Variants in LRP1B observed in about 807,000 individuals in gnomAD.
LRP1B encodes LDL receptor related protein 1B.
In LRP1B, 217 loss-of-function variants were observed where a neutral mutation model predicts 556.6. That is an observed-to-expected ratio of 0.39 (90% CI 0.35 to 0.44). The LOEUF (loss-of-function observed/expected upper bound fraction) is 0.44. Ranked by LOEUF, LRP1B falls within the 20% of genes least tolerant of loss-of-function variation. The pLI is 1.00. For missense variants in LRP1B, 5,053 were observed against 5,620.8 expected, an observed-to-expected ratio of 0.90 and a Z score of 3.23; for synonymous variants, 2,047 against 1,865.8, an observed-to-expected ratio of 1.10 and a Z score of -2.50.
At position 141,589,326 on chromosome 2, in the gene LRP1B, C is replaced by A. The variant is rs373482926; in HGVS notation, c.206-108793G>T. 2.0e-5 allele frequency among the ~76,000 whole-genome samples: 3 copies of A among 152,098 alleles called. No homozygotes were observed. The East Asian group carries it at 5.8e-4, about 29-fold the overall frequency. Reference sequence around the variant, plus strand: ...TAACACTTCCATAGCGACCTCTGACCATCATTAGGTGTACCAATTATAGTA... The same window carrying A: ...TAACACTTCCATAGCGACCTCTGACAATCATTAGGTGTACCAATTATAGTA... On this transcript the variant is annotated intron_variant, in intron 2 of 90. Coordinates refer to ENST00000389484, the MANE Select transcript of LRP1B (RefSeq NM_018557.3).
chr2:140,291,318 A>ATATATATATTTTT (rs369391920), intron 84 of LRP1B, among the ~76,000 whole-genome samples: 4,356 of 109,252 alleles, frequency 0.04, 264 homozygotes, highest in South Asian at 0.066. Flanking sequence ...ATATATATAT[A>ATATATATATTTTT]TTTTTATTAT....
chr2:142,014,120 T>C (rs979357197), intron 1 of LRP1B, among the ~76,000 whole-genome samples: 1 of 152,160 alleles, frequency 6.6e-6, no homozygotes, highest in African/African-American at 2.4e-5. Flanking sequence ...ATTCCTCCTC[T>C]TACTTTCAGG....
At chr2:140,748,491 A>G (rs1465226709) in intron 35 of LRP1B, among the ~76,000 whole-genome samples, 1 of 101,120 alleles carries the variant, frequency 9.9e-6, no homozygotes, top group Non-Finnish European at 2.0e-5. Context: ...CCTAGCAATA[A>G]TACTGTGTTA....
intron 3 of LRP1B, among the ~76,000 whole-genome samples, chr2:141,312,298 T>C (rs112971584): frequency 0.011 from 1,693 of 152,302 alleles, 17 homozygotes; most frequent in Non-Finnish European, 0.019. Flanking sequence ...TGAAAAACTT[T>C]ATGATGATCC....
intron 59 of LRP1B, among the ~76,000 whole-genome samples, chr2:140,477,366 A>T (rs1003663334): frequency 1.1e-4 from 17 of 152,262 alleles, no homozygotes; most frequent in African/African-American, 3.4e-4. Context: ...TAAGAATTGC[A>T]TATAAGAAAA....
At chr2:141,325,641 G>A (rs914112836) in intron 3 of LRP1B, among the ~76,000 whole-genome samples, 1 of 151,998 alleles carries the variant, frequency 6.6e-6, no homozygotes, top group Non-Finnish European at 1.5e-5. Flanking sequence ...TTTCTTTAGA[G>A]TTTTCTAATC....
At chr2:140,499,298 G>A (rs557585738) in intron 55 of LRP1B, among the ~76,000 whole-genome samples, 54 of 151,914 alleles carry the variant, frequency 3.6e-4, no homozygotes, top group South Asian at 2.1e-4. Context: ...TTGATGTCAT[G>A]TCACAAAGTA....
At chr2:142,128,151 T>A (rs1298935767) in intron 1 of LRP1B, among the ~76,000 whole-genome samples, 4 of 152,100 alleles carry the variant, frequency 2.6e-5, no homozygotes, top group Non-Finnish European at 5.9e-5. Flanking sequence ...AACATAAACA[T>A]ACGAGTTAGT....
chr2:141,092,105 T>C (rs1163367854), intron 7 of LRP1B, among the ~76,000 whole-genome samples: 1 of 152,232 alleles, frequency 6.6e-6, no homozygotes, highest in African/African-American at 2.4e-5. Context: ...CTTGTTTATA[T>C]CAATCAGCTT....
chr2:141,204,782 C>T (rs1682198055), intron 6 of LRP1B, among the ~76,000 whole-genome samples: 1 of 151,740 alleles, frequency 6.6e-6, no homozygotes, highest in Non-Finnish European at 1.5e-5. Flanking sequence ...ACTAAAAATA[C>T]AAAAATTAGC....
chr2:141,047,233 T>A (rs1698901669), intron 11 of LRP1B, among the ~76,000 whole-genome samples: 1 of 152,052 alleles, frequency 6.6e-6, no homozygotes, highest in African/African-American at 2.4e-5. Context: ...CTCTGTCACA[T>A]CCAATTTAAA....
At chr2:141,392,489 T>C (rs1034622566) in intron 3 of LRP1B, among the ~76,000 whole-genome samples, 21 of 138,298 alleles carry the variant, frequency 1.5e-4, no homozygotes, top group Non-Finnish European at 2.5e-4. Flanking sequence ...AAAGAGAGAC[T>C]GTCACTCACT....
chr2:142,053,246 A>T (rs1478137984), intron 1 of LRP1B, among the ~76,000 whole-genome samples: 2 of 152,186 alleles, frequency 1.3e-5, no homozygotes, highest in Admixed American at 1.3e-4. Context: ...AAATAGTTAA[A>T]TTCAACGTTA....
At chr2:140,642,686 CA>C (rs559719907) in intron 41 of LRP1B, among the ~76,000 whole-genome samples, 2 of 151,612 alleles carry the variant, frequency 1.3e-5, no homozygotes, top group Admixed American at 6.6e-5. Context: ...CTAAAAAATA[CA>C]AAAAAAATTA....
At chr2:141,248,115 C>T (rs1684134831) in intron 4 of LRP1B, among the ~76,000 whole-genome samples, 1 of 152,102 alleles carries the variant, frequency 6.6e-6, no homozygotes, top group African/African-American at 2.4e-5. Flanking sequence ...TCTACCCCTT[C>T]ATTCTGTTTT....
intron 2 of LRP1B, among the ~76,000 whole-genome samples, chr2:141,537,706 A>G (rs959721311): frequency 6.6e-6 from 1 of 152,156 alleles, no homozygotes; most frequent in Non-Finnish European, 1.5e-5. Flanking sequence ...CAGAATTATC[A>G]CATTATGTGA....
chr2:141,921,374 T>A (rs1031784735), intron 1 of LRP1B, among the ~76,000 whole-genome samples: 4 of 152,046 alleles, frequency 2.6e-5, no homozygotes, highest in African/African-American at 9.6e-5. Context: ...TGAAAATAGA[T>A]CTTTCAGAAT....
chr2:141,148,966 G>A (rs762419549), intron 7 of LRP1B, among the ~76,000 whole-genome samples: 12 of 152,038 alleles, frequency 7.9e-5, no homozygotes, highest in Non-Finnish European at 1.2e-4. Flanking sequence ...GCACATGCCT[G>A]TACTCCCAGC....
chr2:141,098,779 T>C (rs1343462827), intron 7 of LRP1B, among the ~76,000 whole-genome samples: 1 of 152,160 alleles, frequency 6.6e-6, no homozygotes, highest in East Asian at 1.9e-4. Context: ...TGCCTCAGCC[T>C]CCGAAGTAGC....
Sources: gnomAD v4.1 joint callset for allele counts (sites outside exome capture counted in the v4.1 genomes callset) on GRCh38, gnomAD v4.1.1 for gene constraint, MANE v1.5 for transcripts, NCBI Gene and HGNC (gene_info 2026-07-23, HGNC 2026-07-21) for gene names.